The following TANC2 variants were observed in gnomAD, a reference collection of about 807,000 sequenced individuals.
TANC2 encodes tetratricopeptide repeat, ankyrin repeat and coiled-coil containing 2, also known as protein TANC2.
In TANC2, 26 loss-of-function variants were observed where a neutral mutation model predicts 210.5. The ratio of observed to expected loss-of-function variants is 0.12; its 90% CI spans 0.09 to 0.17. TANC2 has a LOEUF of 0.17. Ranked by LOEUF, TANC2 falls within the 10% of genes least tolerant of loss-of-function variation. The probability of loss-of-function intolerance (pLI) is 1.00; values close to 1 mark genes in which losing one functional copy is unlikely to be tolerated. For synonymous variants in TANC2, 931 were observed against 967.1 expected (o/e 0.96, Z 0.69); for missense variants, 2,129 against 2,608.9 (o/e 0.82, Z 4.01).
intron 2 of TANC2, among the ~76,000 whole-genome samples, chr17:63,040,231 C>G (rs888249346): frequency 1.3e-5 from 2 of 152,030 alleles, no homozygotes; most frequent in South Asian, 4.2e-4. Flanking sequence ...TTTGTAAGAA[C>G]GGCCATGTTG....
At chr17:63,185,656 C>T (rs757737995) in intron 5 of TANC2, among the ~76,000 whole-genome samples, 2 of 152,194 alleles carry the variant, frequency 1.3e-5, no homozygotes, top group Admixed American at 6.5e-5. Flanking sequence ...CCTTTGCCCC[C>T]TACTGTCAGA....
chr17:63,252,899 G>A (rs556416820), intron 8 of TANC2, among the ~76,000 whole-genome samples: 4 of 152,048 alleles, frequency 2.6e-5, no homozygotes, highest in Non-Finnish European at 5.9e-5. Flanking sequence ...GGACACTTAG[G>A]TTTCTTCCAA....
intron 11 of TANC2, among the ~76,000 whole-genome samples, chr17:63,329,966 A>T (rs2045781221): frequency 6.6e-6 from 1 of 152,222 alleles, no homozygotes; most frequent in Non-Finnish European, 1.5e-5. Context: ...CTCTTGCACC[A>T]AGCAAGTAAT....
At chr17:63,369,747 C>T (rs1304542180) in intron 14 of TANC2, among the ~76,000 whole-genome samples, 4 of 151,854 alleles carry the variant, frequency 2.6e-5, no homozygotes, top group African/African-American at 9.7e-5. Flanking sequence ...GGATTACAGG[C>T]ATGCCCCACC....
At chr17:63,396,150 G>A in intron 18 of TANC2, 2 of 486,664 alleles carry the variant, frequency 4.1e-6, no homozygotes, top group Non-Finnish European at 7.3e-6. Flanking sequence ...AAAGGACCGT[G>A]GAAATGATAT....
intron 8 of TANC2, among the ~76,000 whole-genome samples, chr17:63,263,301 G>A (rs2043424347): frequency 6.6e-6 from 1 of 152,050 alleles, no homozygotes; most frequent in South Asian, 2.1e-4. Context: ...TAGAAAAGTA[G>A]GATAATTATA....
exon 10 of TANC2, chr17:63,314,427 A>C: frequency 6.2e-7 from 1 of 1,613,900 alleles, no homozygotes; most frequent in South Asian, 1.1e-5. Flanking sequence ...ATCTCCTTGA[A>C]GCCTCTGCTC....
At chr17:63,345,679 CTT>C (rs1347959076) in intron 12 of TANC2, among the ~76,000 whole-genome samples, 6 of 147,170 alleles carry the variant, frequency 4.1e-5, no homozygotes, top group Admixed American at 4.0e-4. Context: ...AAATGGACAA[CTT>C]TTAGAAATGC....
intron 12 of TANC2, among the ~76,000 whole-genome samples, chr17:63,345,252 T>C (rs1244129294): frequency 6.6e-6 from 1 of 152,168 alleles, no homozygotes; most frequent in Non-Finnish European, 1.5e-5. Context: ...ATTAAAGAAC[T>C]TAGTAAGTGG....
chr17:62,984,583 T>C (rs990615179), intron 1 of TANC2, among the ~76,000 whole-genome samples: 4 of 152,176 alleles, frequency 2.6e-5, no homozygotes, highest in Admixed American at 2.6e-4. Flanking sequence ...AGTTTTCTGC[T>C]GTAGGCATTT....
intron 4 of TANC2, among the ~76,000 whole-genome samples, chr17:63,128,877 C>T (rs889646904): frequency 6.6e-6 from 1 of 152,138 alleles, no homozygotes; most frequent in Non-Finnish European, 1.5e-5. Flanking sequence ...TGTTTAGTAA[C>T]GTGTCATTCC....
At chr17:63,256,128 A>G (rs747346196) in intron 8 of TANC2, among the ~76,000 whole-genome samples, 7 of 151,682 alleles carry the variant, frequency 4.6e-5, no homozygotes, top group Non-Finnish European at 1.0e-4. Flanking sequence ...CTGGTCTCAT[A>G]AACTCCTGAC....
chr17:63,088,035 T>G (rs1470890198), intron 3 of TANC2: 1 of 152,198 alleles, frequency 6.6e-6, no homozygotes, highest in Admixed American at 6.5e-5. Context: ...TTTCCAGGGT[T>G]TATAGTTGTA....
At chr17:63,390,956 C>T (rs1229166839) in intron 17 of TANC2, 1 of 152,148 alleles carries the variant, frequency 6.6e-6, no homozygotes, top group Non-Finnish European at 1.5e-5. Flanking sequence ...TCGAGCTCAT[C>T]TCAAGGTGCC....
At chr17:63,177,424 G>A (rs1347508367) in intron 5 of TANC2, among the ~76,000 whole-genome samples, 2 of 151,874 alleles carry the variant, frequency 1.3e-5, no homozygotes, top group African/African-American at 4.8e-5. Flanking sequence ...GGTAGTGAGT[G>A]AGTAGGAAAA....
chr17:63,206,879 C>T (rs1053281814), intron 7 of TANC2, among the ~76,000 whole-genome samples: 1 of 151,982 alleles, frequency 6.6e-6, no homozygotes, highest in African/African-American at 2.4e-5. Context: ...AATTTTATGT[C>T]GTGTATATTT....
rs564176071 is a variant in TANC2 at position 63,340,826 on chromosome 17, G to A, written c.1807+494G>A. On this transcript the variant is annotated intron_variant, in intron 12 of 27. Coordinates refer to ENST00000689528, the Ensembl canonical transcript of TANC2. The stretch of plus-strand genomic sequence containing the variant: ...GTACACTTTAAAATCTACTTAAGGG[G>A]CATAAGGGTATTTTACGGTGCATAA... 9.8e-5 allele frequency among the ~76,000 whole-genome samples: 15 copies of A among 152,308 alleles called. No homozygotes were observed. In the South Asian group the frequency reaches 2.9e-3, roughly 29 times the overall value.
chr17:63,399,145 T>C lies in TANC2; in HGVS notation c.3331+231T>C, dbSNP rs1038626823. ...AGAGTCTTCTTTCAAACAAAACTTT[T>C]TCCCTCTCTTGTTTCCAAATATTTT... is the stretch of plus-strand genomic sequence containing the variant. On this transcript the variant is annotated intron_variant, in intron 19 of 27. Coordinates refer to ENST00000689528, the Ensembl canonical transcript of TANC2. The C allele has an allele frequency of 1.3e-4, 37 of 295,950 alleles. 1 individual carries two copies. Among genetic ancestry groups the C allele is most frequent in the African/African-American group, 7.6e-4 (35 of 46,116 alleles). The allele number at this position is 295,950 out of a possible 1,614,324, so 18.3% of individuals were successfully genotyped here. A position where few individuals can be genotyped will look rare whatever the true frequency, so the allele number is the denominator to read the frequency against.
chr17:62,972,771 T>C (rs1157739824), intron 1 of TANC2, among the ~76,000 whole-genome samples: 2 of 152,216 alleles, frequency 1.3e-5, no homozygotes, highest in African/African-American at 2.4e-5. Context: ...GTCTTCAAAG[T>C]GCTTTAGCGG....
Sources: allele counts gnomAD v4.1 joint callset (sites outside exome capture counted in the v4.1 genomes callset), GRCh38; gene constraint gnomAD v4.1.1; transcripts MANE v1.5; gene names NCBI Gene and HGNC (gene_info 2026-07-23, HGNC 2026-07-21).